AKAP13: variants seen among roughly 807,000 people sequenced by gnomAD.
The protein encoded by AKAP13 is A-kinase anchoring protein 13, also known as A-kinase anchor protein 13.
AKAP13 carries 80 observed loss-of-function variants against 264.5 expected under a neutral mutation model. That is an observed-to-expected ratio of 0.30 (90% CI 0.25 to 0.36). The LOEUF is 0.36. Among genes scored for constraint, AKAP13 ranks in the 10% least tolerant of loss-of-function variants. The pLI is 1.00. For missense variants in AKAP13, 3,712 were observed against 3,435.2 expected, an observed-to-expected ratio of 1.08 and a Z score of -2.01; for synonymous variants, 1,380 against 1,250.2, an observed-to-expected ratio of 1.10 and a Z score of -2.19.
At chr15:85,717,695 G>T (rs1361481644) in intron 21 of AKAP13, among the ~76,000 whole-genome samples, 1 of 152,194 alleles carries the variant, frequency 6.6e-6, no homozygotes, top group Non-Finnish European at 1.5e-5. Context: ...CAGAGCAATT[G>T]TAAGCCTGCT....
At chr15:85,601,562 G>A (rs149539223) in intron 8 of AKAP13, among the ~76,000 whole-genome samples, 489 of 149,652 alleles carry the variant, frequency 3.3e-3, no homozygotes, top group Middle Eastern at 0.014. Context: ...ACATTAAACT[G>A]CCAATTTAGG....
At chr15:85,400,466 C>G (rs549614319) in intron 1 of AKAP13, among the ~76,000 whole-genome samples, 49 of 151,986 alleles carry the variant, frequency 3.2e-4, no homozygotes, top group African/African-American at 1.2e-3. Context: ...ACGTATAATC[C>G]ACATATGTTC....
chr15:85,404,378 A>G (rs2071570522), intron 1 of AKAP13, among the ~76,000 whole-genome samples: 1 of 152,242 alleles, frequency 6.6e-6, no homozygotes, highest in South Asian at 2.1e-4. Flanking sequence ...TGGTTCTGCA[A>G]CAACACGCTT....
Position 85,741,046 on chromosome 15 carries a change from G to A in AKAP13, c.7609G>A (p.Gly2537Ser). 2 of 1,603,898 alleles carry A rather than the reference G, an allele frequency of 1.2e-6. No homozygotes were observed. Among genetic ancestry groups the A allele is most frequent in the Non-Finnish European group, 1.7e-6 (2 of 1,174,122 alleles). ...GGGCTCCCCTCTGTGTGCCTCCCAG[G>A]GTGTGGTGCTGCAGCAGGACAGCTA... ...HLYELLSALQ[G>S]VVLQQDSYIE... Residue 2537 changes from glycine (G) to serine (S), a missense_variant and splice_region_variant, in exon 35 of 37, where the codon GGT (glycine) becomes AGT (serine). Coordinates refer to ENST00000394518, the MANE Select transcript of AKAP13 (RefSeq NM_007200.5).
rs778105824 is a variant in AKAP13 at position 85,579,700 on chromosome 15, T to A, written c.1632T>A (p.Asp544Glu). 3.7e-6 allele frequency: 6 copies of A among 1,614,234 alleles called. No homozygotes were observed. The highest frequency in any genetic ancestry group is 1.3e-5 in the African/African-American group (1 of 75,058). ...PNCAPAASSLDGNKPAESSLA... is the reference protein window; with the variant it reads ...PNCAPAASSLEGNKPAESSLA... Reference sequence around the variant, plus strand: ...GTGCCCCTGCTGCCAGTTCCCTGGATGGTAACAAACCTGCTGAGTCTTCAC... The same window carrying A: ...GTGCCCCTGCTGCCAGTTCCCTGGAAGGTAACAAACCTGCTGAGTCTTCAC... Residue 544 changes from aspartate to glutamate, a missense_variant, in exon 7 of 37, where the codon GAT becomes GAA. This residue lies in a region of AKAP13 where 2,759 missense variants were observed against 2,411.7 expected (regional missense o/e 1.14). Coordinates refer to ENST00000394518, the MANE Select transcript of AKAP13 (RefSeq NM_007200.5).
chr15:85,588,916 T>C (rs2079470808), intron 8 of AKAP13, among the ~76,000 whole-genome samples: 1 of 152,244 alleles, frequency 6.6e-6, no homozygotes, highest in Non-Finnish European at 1.5e-5. Context: ...AATTTATCTC[T>C]AGCTGCGAGA....
intron 5 of AKAP13, among the ~76,000 whole-genome samples, chr15:85,561,247 G>A (rs781435440): frequency 9.9e-5 from 15 of 151,846 alleles, no homozygotes; most frequent in Admixed American, 5.2e-4. Context: ...TAGTAGAGAC[G>A]GGGTTTCACC....
intron 14 of AKAP13, among the ~76,000 whole-genome samples, chr15:85,671,322 G>A (rs2083913374): frequency 6.6e-6 from 1 of 151,402 alleles, no homozygotes; most frequent in Admixed American, 6.6e-5. Context: ...CTGTAGTCCA[G>A]CTGCTTCAGA....
intron 26 of AKAP13, among the ~76,000 whole-genome samples, chr15:85,725,113 A>C (rs565857114): frequency 6.6e-6 from 1 of 152,290 alleles, no homozygotes; most frequent in East Asian, 1.9e-4. Flanking sequence ...ATTTATTCCC[A>C]AAATAAAAAC....
intron 15 of AKAP13, among the ~76,000 whole-genome samples, chr15:85,683,856 T>A (rs572644770): frequency 1.3e-5 from 2 of 152,286 alleles, no homozygotes; most frequent in East Asian, 3.9e-4. Context: ...TTTATGTAGG[T>A]TTCTTGAACA....
intron 8 of AKAP13, among the ~76,000 whole-genome samples, chr15:85,623,339 G>T (rs1175660623): frequency 6.6e-6 from 1 of 152,180 alleles, no homozygotes; most frequent in East Asian, 1.9e-4. Flanking sequence ...TAACAGATGA[G>T]GTGAAATATG....
intron 2 of AKAP13, among the ~76,000 whole-genome samples, chr15:85,508,426 C>T (rs754543666): frequency 6.6e-6 from 1 of 151,796 alleles, no homozygotes; most frequent in African/African-American, 2.4e-5. Context: ...TACAGACGTG[C>T]GCTATCGTGC....
intron 1 of AKAP13, among the ~76,000 whole-genome samples, chr15:85,462,362 C>T (rs2074551065): frequency 2.0e-5 from 3 of 152,206 alleles, no homozygotes; most frequent in South Asian, 2.1e-4. Flanking sequence ...CACACTAATG[C>T]TTAAAACTAA....
At chr15:85,678,084 A>C (rs187457937) in intron 14 of AKAP13, among the ~76,000 whole-genome samples, 44 of 152,334 alleles carry the variant, frequency 2.9e-4, no homozygotes, top group Non-Finnish European at 5.6e-4. Context: ...ACAAGGTATC[A>C]ATTTTAGTAA....
chr15:85,399,560 T>A (rs1448551012), intron 1 of AKAP13, among the ~76,000 whole-genome samples: 1 of 135,720 alleles, frequency 7.4e-6, no homozygotes, highest in African/African-American at 3.0e-5. Context: ...ATAAATAAAG[T>A]TTTAGATGCC....
intron 26 of AKAP13, among the ~76,000 whole-genome samples, chr15:85,723,870 A>G (rs1420080505): frequency 6.6e-6 from 1 of 152,236 alleles, no homozygotes; most frequent in East Asian, 1.9e-4. Context: ...TTAAAGCAAA[A>G]TAAATCATAA....
At chr15:85,512,813 TTATGTATGTATGTATGTATG>T (rs146236698) in intron 2 of AKAP13, among the ~76,000 whole-genome samples, 8,027 of 145,822 alleles carry the variant, frequency 0.055, 285 homozygotes, top group Non-Finnish European at 0.081. Context: ...TTGACTATTT[TTATGTATGTATGTATGTATG>T]TATGTATGTA....
rs60799252 is a variant in AKAP13, at chr15:85,550,553, T to C, written c.662+6598T>C. 1.6e-4 allele frequency among the ~76,000 whole-genome samples: 24 copies of C among 152,362 alleles called. No homozygotes were observed. In the East Asian group the frequency reaches 4.2e-3, roughly 27 times the overall value. Reference sequence around the variant, plus strand: ...ATTTCACAATGGAACCAAGTGCTATTGAGCAAGATGTTCTGCCAACATAGT... The same window carrying C: ...ATTTCACAATGGAACCAAGTGCTATCGAGCAAGATGTTCTGCCAACATAGT... On this transcript the variant is annotated intron_variant, in intron 5 of 36. Transcript: ENST00000394518.
chr15:85,548,010 T>C (rs1345486131), intron 5 of AKAP13, among the ~76,000 whole-genome samples: 1 of 152,102 alleles, frequency 6.6e-6, no homozygotes, highest in Non-Finnish European at 1.5e-5. Context: ...GAAGTGACAA[T>C]ATCAGATGAG....
Sources: gnomAD v4.1 joint callset for allele counts (sites outside exome capture counted in the v4.1 genomes callset) on GRCh38, gnomAD v4.1.1 for gene constraint, gnomAD v4.1.1 regional missense constraint, MANE v1.5 for transcripts, NCBI Gene and HGNC (gene_info 2026-07-23, HGNC 2026-07-21) for gene names.